ACYP2: variants seen among roughly 807,000 people sequenced by gnomAD.
The protein encoded by ACYP2 is acylphosphatase-2.
ACYP2 carries 12 observed loss-of-function variants against 11.2 expected under a neutral mutation model. The ratio of observed to expected loss-of-function variants is 1.08; its 90% CI spans 0.69 to 1.74. The LOEUF is 1.74. Among genes scored for constraint, ACYP2 ranks in the 40% most tolerant of loss-of-function variants. The pLI, the probability that ACYP2 is intolerant of heterozygous loss-of-function variation, is 0.00. For missense variants in ACYP2, 134 were observed against 101.9 expected, an observed-to-expected ratio of 1.31 and a Z score of -1.35; for synonymous variants, 43 against 32.2, an observed-to-expected ratio of 1.33 and a Z score of -1.13.
intron 6 of ACYP2, among the ~76,000 whole-genome samples, chr2:54,256,664 C>G (rs1238701385): frequency 6.6e-6 from 1 of 152,150 alleles, no homozygotes; most frequent in Non-Finnish European, 1.5e-5. Flanking sequence ...TTCTTTTGGA[C>G]TCGTAGTTTC....
rs148287669 is a variant in ACYP2, at chr2:54,194,487, G to A, written c.404+55739G>A. ...CCTTTAACTCAGCTTTTTCATCCAG[G>A]AGGCACGTTATTAAAATCTTGAGTG... is the stretch of plus-strand genomic sequence containing the variant. On this transcript the variant is annotated intron_variant, in intron 6 of 6. Transcript: ENST00000607452. Among the ~76,000 whole-genome samples the A allele has an allele frequency of 2.5e-3, 376 of 152,080 alleles. 4 individuals are homozygous for A. The highest frequency in any genetic ancestry group is 6.2e-3 in the South Asian group (30 of 4,816).
chr2:54,091,682 G>T (rs958627192), intron 4 of ACYP2, among the ~76,000 whole-genome samples: 5 of 151,842 alleles, frequency 3.3e-5, no homozygotes, highest in Non-Finnish European at 4.4e-5. Context: ...CGGCTAATTT[G>T]TGTGTTTTTG....
At chr2:54,301,886 G>A (rs1419640320) in intron 6 of ACYP2, among the ~76,000 whole-genome samples, 1 of 152,186 alleles carries the variant, frequency 6.6e-6, no homozygotes, top group Non-Finnish European at 1.5e-5. Context: ...ACTCCTAGCT[G>A]AGGAGGCAGA....
chr2:54,255,530 T>C (rs780854339), intron 6 of ACYP2: 1 of 1,613,514 alleles, frequency 6.2e-7, no homozygotes, highest in South Asian at 1.1e-5. Context: ...TCCAGCTGGA[T>C]GGACTCCAGG....
chr2:53,994,639 G>T lies in ACYP2; in HGVS notation c.62+20829G>T, dbSNP rs118001322. ...ACCTCTACCAAGACCTACTTCAAAA[G>T]GAAAATCTTGTGTTGAGTAGCAGTT... is the stretch of plus-strand genomic sequence containing the variant. On this transcript the variant is annotated intron_variant, in intron 2 of 6. Transcript: ENST00000607452. 1.1e-4 allele frequency among the ~76,000 whole-genome samples: 16 copies of T among 152,060 alleles called. No homozygotes were observed. The East Asian group carries it at 3.1e-3, about 29-fold the overall frequency.
chr2:54,209,815 T>G (rs1167619817), intron 6 of ACYP2, among the ~76,000 whole-genome samples: 2 of 151,760 alleles, frequency 1.3e-5, no homozygotes, highest in Non-Finnish European at 1.5e-5. Context: ...GAAGCAAGGA[T>G]GGAAAAAAAC....
At chr2:54,141,128 AT>A (rs1681577506) in intron 6 of ACYP2, among the ~76,000 whole-genome samples, 1 of 151,596 alleles carries the variant, frequency 6.6e-6, no homozygotes, top group East Asian at 1.9e-4. Flanking sequence ...TCCTTTACCC[AT>A]TTTTCTATCG....
At chr2:54,267,488 AT>A (rs952065644) in intron 6 of ACYP2, 11 of 798,286 alleles carry the variant, frequency 1.4e-5, no homozygotes, top group Non-Finnish European at 2.0e-5. Flanking sequence ...CCCTAGATGA[AT>A]TTAATTATTT....
chr2:54,084,841 A>T (rs568364405), intron 4 of ACYP2: 2 of 152,350 alleles, frequency 1.3e-5, no homozygotes, highest in Non-Finnish European at 2.9e-5. Context: ...CCTGAGCAAG[A>T]AAAGATCTGA....
chr2:54,035,175 C>T (rs1674820885), intron 2 of ACYP2, among the ~76,000 whole-genome samples: 1 of 151,750 alleles, frequency 6.6e-6, no homozygotes, highest in Non-Finnish European at 1.5e-5. Context: ...CTGTTGCTAC[C>T]ATGTTGTGAT....
intron 6 of ACYP2, among the ~76,000 whole-genome samples, chr2:54,201,684 C>CTT (rs1684835755): frequency 2.8e-3 from 109 of 39,494 alleles, no homozygotes; most frequent in South Asian, 0.01. Context: ...CTTTCTTTCT[C>CTT]TCTCTCTCTC....
At chr2:54,181,948 C>A (rs1351929997) in intron 6 of ACYP2, among the ~76,000 whole-genome samples, 1 of 151,900 alleles carries the variant, frequency 6.6e-6, no homozygotes. Context: ...ATCTGATGGA[C>A]CCTCTCTTAC....
intron 6 of ACYP2, among the ~76,000 whole-genome samples, chr2:54,218,507 A>T (rs1685653079): frequency 6.6e-6 from 1 of 152,194 alleles, no homozygotes; most frequent in Non-Finnish European, 1.5e-5. Context: ...AACATTGAAG[A>T]GTTGTTTGGT....
In ACYP2 at chr2:54,256,498, T is replaced by G. The variant is rs146576922; in HGVS notation, c.405-48190T>G. ...TGCAGTATCCGAGGCTTCTCCCTATTTCTCTACTGGGCTGACGTTATTTTT... is the reference window on the plus strand; with the variant it reads ...TGCAGTATCCGAGGCTTCTCCCTATGTCTCTACTGGGCTGACGTTATTTTT... On this transcript the variant is annotated intron_variant, in intron 6 of 6. Coordinates refer to ENST00000607452, the MANE Select transcript of ACYP2 (RefSeq NM_001320586.2). Among the ~76,000 whole-genome samples, 1,154 of 152,308 alleles carry G rather than the reference T, an allele frequency of 7.6e-3. 17 individuals are homozygous for G. The highest frequency in any genetic ancestry group is 8.3e-3 in the Non-Finnish European group (562 of 68,038).
intron 3 of ACYP2, chr2:54,051,496 C>A: frequency 1.4e-6 from 1 of 705,580 alleles, no homozygotes; most frequent in South Asian, 1.6e-5. Flanking sequence ...CAAGAGGACT[C>A]CTTTGGGCTT....
At chr2:54,172,514 G>C (rs1039238575) in intron 6 of ACYP2, among the ~76,000 whole-genome samples, 5 of 152,182 alleles carry the variant, frequency 3.3e-5, no homozygotes, top group Non-Finnish European at 7.3e-5. Flanking sequence ...GCAGTGAAGG[G>C]TGTGAAGACA....
intron 2 of ACYP2, among the ~76,000 whole-genome samples, chr2:53,974,220 A>C (rs1671350801): frequency 6.6e-6 from 1 of 152,046 alleles, no homozygotes; most frequent in Admixed American, 6.6e-5. Flanking sequence ...GGCCATATTT[A>C]GATATATTTA....
intron 6 of ACYP2, among the ~76,000 whole-genome samples, chr2:54,229,146 C>A (rs1686128615): frequency 6.6e-6 from 1 of 152,096 alleles, no homozygotes; most frequent in South Asian, 2.1e-4. Context: ...AGGCAAGAGA[C>A]TTATTTTCCT....
chr2:54,204,132 C>G (rs1189650952), intron 6 of ACYP2, among the ~76,000 whole-genome samples: 1 of 152,032 alleles, frequency 6.6e-6, no homozygotes, highest in Non-Finnish European at 1.5e-5. Flanking sequence ...GTAGCTGGGA[C>G]TACAGGCATG....
Sources: gnomAD v4.1 joint callset for allele counts (sites outside exome capture counted in the v4.1 genomes callset) on GRCh38, gnomAD v4.1.1 for gene constraint, MANE v1.5 for transcripts, NCBI Gene and HGNC (gene_info 2026-07-23, HGNC 2026-07-21) for gene names.